The following USP47 variants were observed in gnomAD, a reference collection of about 807,000 sequenced individuals.
USP47 encodes the protein ubiquitin specific peptidase 47, also known as ubiquitin carboxyl-terminal hydrolase 47.
Under a neutral mutation model 165.1 loss-of-function variants are expected in USP47, and 35 were observed. The observed-to-expected ratio is 0.21, with a 90% confidence interval of 0.16 to 0.28. The LOEUF (loss-of-function observed/expected upper bound fraction) is 0.28, where lower values mean the gene tolerates loss of function less well. Ranked by LOEUF, USP47 falls within the 10% of genes least tolerant of loss-of-function variation. The pLI, the probability that USP47 is intolerant of heterozygous loss-of-function variation, is 1.00. For synonymous variants in USP47, 531 were observed against 544.5 expected (o/e 0.98, Z 0.35); for missense variants, 1,277 against 1,607.4 (o/e 0.79, Z 3.52).
intron 18 of USP47, among the ~76,000 whole-genome samples, chr11:11,939,185 A>G (rs1310545065): frequency 6.6e-6 from 1 of 152,024 alleles, no homozygotes; most frequent in Non-Finnish European, 1.5e-5. Flanking sequence ...CATCCTTACA[A>G]GGGTCCTGTA....
chr11:11,908,201 G>C (rs1377827332), intron 8 of USP47, among the ~76,000 whole-genome samples: 1 of 152,216 alleles, frequency 6.6e-6, no homozygotes, highest in East Asian at 1.9e-4. Flanking sequence ...TGTTTAGTGT[G>C]CCACAATATT....
At chr11:11,881,302 C>T (rs575881054) in intron 2 of USP47, among the ~76,000 whole-genome samples, 4 of 152,070 alleles carry the variant, frequency 2.6e-5, no homozygotes, top group Non-Finnish European at 5.9e-5. Context: ...TGTTAGACAG[C>T]ACTGTGCTAC....
At chr11:11,842,748 G>T (rs1384265644) in intron 1 of USP47, among the ~76,000 whole-genome samples, 5 of 151,858 alleles carry the variant, frequency 3.3e-5, no homozygotes, top group Admixed American at 3.3e-4. Context: ...CTGCCTAAAT[G>T]GGGCCTACCG....
At chr11:11,910,539 G>A (rs1852894087) in intron 8 of USP47, among the ~76,000 whole-genome samples, 1 of 151,988 alleles carries the variant, frequency 6.6e-6, no homozygotes, top group African/African-American at 2.4e-5. Flanking sequence ...CCACCTCCCA[G>A]GGGTAAAGAG....
Sources: allele counts gnomAD v4.1 joint callset (sites outside exome capture counted in the v4.1 genomes callset), GRCh38; gene constraint gnomAD v4.1.1; transcripts MANE v1.5; gene names NCBI Gene and HGNC (gene_info 2026-07-23, HGNC 2026-07-21).